Variants in OPCML observed in about 807,000 individuals in gnomAD.
OPCML encodes the protein opioid-binding protein/cell adhesion molecule.
OPCML carries 13 observed loss-of-function variants against 37.8 expected under a neutral mutation model. The ratio of observed to expected loss-of-function variants is 0.34; its 90% CI spans 0.22 to 0.55. The LOEUF is 0.55. Among genes scored for constraint, OPCML ranks in the 20% least tolerant of loss-of-function variants. The pLI is 0.91. For synonymous variants in OPCML, 176 were observed against 168.8 expected, an observed-to-expected ratio of 1.04 and a Z score of -0.33; for missense variants, 341 against 435.6, an observed-to-expected ratio of 0.78 and a Z score of 1.93.
At chr11:133,091,288 G>A (rs1416061120) in intron 1 of OPCML, among the ~76,000 whole-genome samples, 1 of 152,194 alleles carries the variant, frequency 6.6e-6, no homozygotes, top group Non-Finnish European at 1.5e-5. Flanking sequence ...GAGCCTCAGG[G>A]CCCAGGCAGA....
At chr11:133,201,039 G>A (rs1004918802) in intron 1 of OPCML, among the ~76,000 whole-genome samples, 8 of 152,080 alleles carry the variant, frequency 5.3e-5, no homozygotes, top group Non-Finnish European at 7.4e-5. Flanking sequence ...ACAGAAATCC[G>A]AGCACTGCAT....
Position 132,507,109 on chromosome 11 carries a change from T to TAA in OPCML, c.505+21950_505+21951dup, listed in dbSNP as rs5795785. Among the ~76,000 whole-genome samples, 267 of 144,600 alleles carry TAA rather than the reference T, an allele frequency of 1.8e-3. 1 individual carries two copies. The South Asian group carries it at 0.019, about 10-fold the overall frequency. The allele number at this position is 144,600 out of a possible 152,430, so 94.9% of individuals were successfully genotyped here. ...ACTGTAAGCCTAAAACATTAAATTG[T>TAA]AAAAAAAAAAAAAATTATACTGATA... On this transcript the variant is annotated intron_variant, in intron 4 of 7. Coordinates refer to ENST00000524381, the MANE Select transcript of OPCML (RefSeq NM_001012393.5).
At chr11:132,754,992 T>C (rs2012223) in intron 2 of OPCML, among the ~76,000 whole-genome samples, 15,534 of 152,208 alleles carry the variant, frequency 0.1, 1,893 homozygotes, top group East Asian at 0.66. Flanking sequence ...ACCACACTAA[T>C]GTGTATTCGA....
At chr11:132,659,829 G>A (rs756731173) in intron 2 of OPCML, among the ~76,000 whole-genome samples, 13 of 151,984 alleles carry the variant, frequency 8.6e-5, no homozygotes, top group Non-Finnish European at 1.6e-4. Flanking sequence ...GTCATAACAC[G>A]TGCATTGTTC....
intron 2 of OPCML, among the ~76,000 whole-genome samples, chr11:132,873,764 G>T (rs1323559523): frequency 1.4e-5 from 2 of 148,062 alleles, no homozygotes; most frequent in African/African-American, 5.0e-5. Flanking sequence ...TTTTAAAGGT[G>T]AAAGATAACA....
intron 3 of OPCML, among the ~76,000 whole-genome samples, chr11:132,552,679 T>G (rs2137438604): frequency 6.6e-6 from 1 of 152,170 alleles, no homozygotes; most frequent in South Asian, 2.1e-4. Flanking sequence ...AAACTCCTAT[T>G]CATCCTGTTA....
intron 1 of OPCML, among the ~76,000 whole-genome samples, chr11:133,335,190 C>G (rs1237666104): frequency 6.6e-6 from 1 of 152,154 alleles, no homozygotes; most frequent in Non-Finnish European, 1.5e-5. Context: ...TTAATCCTTA[C>G]AACCATCTTT....
At position 133,411,878 on chromosome 11, in the gene OPCML, A is replaced by C. The variant is rs140242671; in HGVS notation, c.61+120386T>G. On this transcript the variant is annotated intron_variant, in intron 1 of 7. Coordinates refer to ENST00000524381, the MANE Select transcript of OPCML (RefSeq NM_001012393.5). The stretch of plus-strand genomic sequence containing the variant: ...CTTTGACTGAACATCATGGATTTGC[A>C]TGTAAGATAAAAATTAGGGAAGGGA... Among the ~76,000 whole-genome samples, 658 of 152,274 alleles carry C rather than the reference A, an allele frequency of 4.3e-3. 5 individuals are homozygous for C. The highest frequency in any genetic ancestry group is 0.014 in the African/African-American group (572 of 41,542).
chr11:133,302,003 G>A (rs1246662498), intron 1 of OPCML: 6 of 152,106 alleles, frequency 3.9e-5, no homozygotes, highest in African/African-American at 1.4e-4. Flanking sequence ...AAAAAGCTTG[G>A]AAAGACATAG....
Position 132,437,319 on chromosome 11 carries a change from G to T in OPCML, c.546C>A (p.Ile182=). The change falls in exon 5 of 8, where the codon ATC becomes ATA. Residue 182 remains isoleucine, a synonymous_variant. Coordinates refer to ENST00000524381, the MANE Select transcript of OPCML (RefSeq NM_001012393.5). ...GFVSEDEYLE[I]SDIKRDQSGE... Reference sequence around the variant, plus strand: ...CGGACTGGTCTCGCTTGATGTCAGAGATCTCCAGGTACTCATCCTCACTTA... The same window carrying T: ...CGGACTGGTCTCGCTTGATGTCAGATATCTCCAGGTACTCATCCTCACTTA... 1 of 1,614,220 alleles carries T rather than the reference G, an allele frequency of 6.2e-7. No homozygotes were observed.
chr11:132,423,767 C>G (rs901293864), intron 7 of OPCML, among the ~76,000 whole-genome samples: 1 of 152,134 alleles, frequency 6.6e-6, no homozygotes, highest in Admixed American at 6.6e-5. Flanking sequence ...TCGGGGCTCA[C>G]GTTTGGTCCC....
intron 1 of OPCML, among the ~76,000 whole-genome samples, chr11:133,022,267 C>A (rs1947469585): frequency 6.6e-6 from 1 of 152,202 alleles, no homozygotes; most frequent in East Asian, 1.9e-4. Flanking sequence ...CCCGATGGCA[C>A]ACTCTTGTGA....
At chr11:133,239,692 C>A (rs188532475) in intron 1 of OPCML, among the ~76,000 whole-genome samples, 1 of 152,176 alleles carries the variant, frequency 6.6e-6, no homozygotes, top group African/African-American at 2.4e-5. Context: ...GAAACTCCTT[C>A]GCGCTAATTA....
chr11:133,061,754 G>A (rs1194708931), intron 1 of OPCML, among the ~76,000 whole-genome samples: 1 of 152,178 alleles, frequency 6.6e-6, no homozygotes, highest in Admixed American at 6.5e-5. Flanking sequence ...TTATTTTAAT[G>A]TGCTATGCAA....
intron 1 of OPCML, among the ~76,000 whole-genome samples, chr11:133,140,324 C>T (rs1949751731): frequency 6.7e-6 from 1 of 149,680 alleles, no homozygotes; most frequent in South Asian, 2.1e-4. Context: ...CCAGCCTAGC[C>T]AATGTGGTGA....
chr11:133,001,220 T>A (rs1946995591), intron 1 of OPCML, among the ~76,000 whole-genome samples: 1 of 152,162 alleles, frequency 6.6e-6, no homozygotes, highest in Non-Finnish European at 1.5e-5. Flanking sequence ...TAGTATGGTG[T>A]CAACAGGGTT....
intron 4 of OPCML, among the ~76,000 whole-genome samples, chr11:132,495,888 C>T (rs1204038350): frequency 7.3e-6 from 1 of 137,700 alleles, no homozygotes; most frequent in East Asian, 2.6e-4. Context: ...GAGTGAGACT[C>T]CATCTCAAAA....
At chr11:132,437,018 C>G (rs953309226) in intron 5 of OPCML, 8 of 860,902 alleles carry the variant, frequency 9.3e-6, no homozygotes, top group Non-Finnish European at 1.1e-5. Flanking sequence ...ACAATTCTCT[C>G]CATTTGCTGA....
intron 1 of OPCML, among the ~76,000 whole-genome samples, chr11:133,140,931 CGAAGAAGAAGAA>C (rs1200737192): frequency 4.6e-3 from 21 of 4,522 alleles, no homozygotes; most frequent in East Asian, 0.12. Context: ...ACGACGACGA[CGAAGAAGAAGAA>C]GACGACGAAG....
Sources: gnomAD v4.1 joint callset for allele counts (sites outside exome capture counted in the v4.1 genomes callset) on GRCh38, gnomAD v4.1.1 for gene constraint, MANE v1.5 for transcripts, NCBI Gene and HGNC (gene_info 2026-07-23, HGNC 2026-07-21) for gene names.